Variants in LRFN5 observed in about 807,000 individuals in gnomAD.
The protein encoded by LRFN5 is leucine rich repeat and fibronectin type III domain containing 5, also known as leucine-rich repeat and fibronectin type-III domain-containing protein 5.
In LRFN5, 24 loss-of-function variants were observed where a neutral mutation model predicts 45.6. That is an observed-to-expected ratio of 0.53 (90% CI 0.38 to 0.74). The LOEUF is 0.74. Among genes scored for constraint, LRFN5 ranks in the 30% least tolerant of loss-of-function variants. The pLI, the probability that LRFN5 is intolerant of heterozygous loss-of-function variation, is 0.00. For synonymous variants in LRFN5, 340 were observed against 313.8 expected (o/e 1.08, Z -0.88); for missense variants, 776 against 861.5 (o/e 0.90, Z 1.24).
intron 1 of LRFN5, among the ~76,000 whole-genome samples, chr14:41,704,426 C>CTGTGTGTGTG (rs1566628792): frequency 1.1e-4 from 6 of 57,130 alleles, no homozygotes; most frequent in East Asian, 2.6e-3. Flanking sequence ...CTCTCTCTCT[C>CTGTGTGTGTG]TCTCTCTCTC....
chr14:41,742,704 G>A (rs59496647), intron 1 of LRFN5: 25,377 of 153,408 alleles, frequency 0.17, 2,207 homozygotes, highest in Admixed American at 0.19. Context: ...GAAGAGCCAG[G>A]TGTGTGTAGC....
At chr14:41,674,483 G>C (rs1467222925) in intron 1 of LRFN5, among the ~76,000 whole-genome samples, 1 of 144,988 alleles carries the variant, frequency 6.9e-6, no homozygotes, top group Non-Finnish European at 1.5e-5. Flanking sequence ...CTCCCGGACG[G>C]GGTGGCTGGC....
chr14:41,755,371 A>T, intron 1 of LRFN5, among the ~76,000 whole-genome samples: 1 of 152,196 alleles, frequency 6.6e-6, no homozygotes, highest in East Asian at 1.9e-4. Flanking sequence ...GGGGTGTTAA[A>T]GTCTCCCATT....
intron 2 of LRFN5, among the ~76,000 whole-genome samples, chr14:41,789,149 T>C (rs1038089079): frequency 6.6e-6 from 1 of 152,054 alleles, no homozygotes; most frequent in Admixed American, 6.6e-5. Flanking sequence ...ATTAATTAAA[T>C]TTATTTTAAA....
At chr14:41,698,311 C>G (rs1024240816) in intron 1 of LRFN5, among the ~76,000 whole-genome samples, 1 of 152,050 alleles carries the variant, frequency 6.6e-6, no homozygotes, top group Non-Finnish European at 1.5e-5. Flanking sequence ...TTCACTTTCT[C>G]TAGGAGCCTG....
intron 2 of LRFN5, among the ~76,000 whole-genome samples, chr14:41,829,788 G>A (rs911479461): frequency 1.3e-5 from 2 of 150,086 alleles, no homozygotes; most frequent in Non-Finnish European, 3.0e-5. Context: ...CCTTTTTTTA[G>A]TAATACTTTT....
intron 2 of LRFN5, among the ~76,000 whole-genome samples, chr14:41,858,500 GT>G (rs5808160): frequency 0.14 from 20,687 of 150,022 alleles, 1,469 homozygotes; most frequent in East Asian, 0.21. Flanking sequence ...GCTCTAGTAA[GT>G]TTTTTTTTTC....
intron 1 of LRFN5, among the ~76,000 whole-genome samples, chr14:41,716,622 T>C (rs1883505723): frequency 6.6e-6 from 1 of 152,168 alleles, no homozygotes; most frequent in Non-Finnish European, 1.5e-5. Context: ...CAGCCTGGAC[T>C]TTACTGTCCA....
In LRFN5 at chr14:41,729,813, T is replaced by A. The variant is rs181927433; in HGVS notation, c.-196-37041T>A. On this transcript the variant is annotated intron_variant, in intron 1 of 5. Transcript: ENST00000298119. ...TCTGTACCTATAATATTCATTTTTT[T>A]AAAAAAATACTCAAATATTTAGCAA... is the stretch of plus-strand genomic sequence containing the variant. Among the ~76,000 whole-genome samples, 1,047 of 152,082 alleles carry A rather than the reference T, an allele frequency of 6.9e-3. 8 individuals are homozygous for A. The highest frequency in any genetic ancestry group is 0.011 in the Admixed American group (161 of 15,250).
chr14:41,786,190 G>A (rs976786593), intron 2 of LRFN5, among the ~76,000 whole-genome samples: 2 of 152,064 alleles, frequency 1.3e-5, no homozygotes, highest in Non-Finnish European at 2.9e-5. Context: ...ATTTTCAAGA[G>A]ACAGACAATG....
At chr14:41,659,331 T>A (rs1310458090) in intron 1 of LRFN5, among the ~76,000 whole-genome samples, 1 of 152,076 alleles carries the variant, frequency 6.6e-6, no homozygotes, top group East Asian at 1.9e-4. Context: ...GCTACTTTGC[T>A]TAGAGTGATG....
Position 41,891,300 on chromosome 14 carries a change from G to C in LRFN5, c.1436G>C (p.Gly479Ala). ...TTTCTGGTCAATAATCTGGCTGCTG[G>C]AACTATGTATGACTTGTGTGTCTTG... Reference protein sequence around the residue: ...KTFLVNNLAAGTMYDLCVLAI... With the variant: ...KTFLVNNLAAATMYDLCVLAI... Residue 479 changes from glycine (G) to alanine (A), a missense_variant, in exon 4 of 6, where the codon GGA becomes GCA. Physicochemically the swap from Gly to Ala is moderately conservative, Grantham distance 60. Transcript: ENST00000298119. The C allele has an allele frequency of 6.2e-7, 1 of 1,614,004 alleles. No individual in the cohort carries two copies. The highest frequency in any genetic ancestry group is 8.5e-7 in the Non-Finnish European group (1 of 1,180,002).
At chr14:41,784,866 T>G (rs775285612) in intron 2 of LRFN5, among the ~76,000 whole-genome samples, 10 of 152,128 alleles carry the variant, frequency 6.6e-5, no homozygotes, top group Non-Finnish European at 1.2e-4. Context: ...TGATCTCAGG[T>G]GATCTGTCAG....
chr14:41,885,740 G>A (rs541532520), intron 2 of LRFN5, among the ~76,000 whole-genome samples: 1 of 152,114 alleles, frequency 6.6e-6, no homozygotes, highest in East Asian at 1.9e-4. Context: ...AGATTGGCCG[G>A]GCACAGTGGC....
At chr14:41,658,555 T>G (rs919133637) in intron 1 of LRFN5, among the ~76,000 whole-genome samples, 2 of 151,938 alleles carry the variant, frequency 1.3e-5, no homozygotes, top group Admixed American at 6.6e-5. Context: ...TATATCAAAT[T>G]TTCTCATATG....
At chr14:41,894,561 T>C (rs1342717383) in intron 4 of LRFN5, 26 of 966,508 alleles carry the variant, frequency 2.7e-5, no homozygotes, top group Non-Finnish European at 3.2e-5. Flanking sequence ...GACTGGCTTA[T>C]CAAGAAGGTC....
chr14:41,816,582 C>G (rs1887926730), intron 2 of LRFN5, among the ~76,000 whole-genome samples: 1 of 151,966 alleles, frequency 6.6e-6, no homozygotes, highest in Non-Finnish European at 1.5e-5. Flanking sequence ...TCTCTGTCAA[C>G]ACTATACATA....
intron 2 of LRFN5, among the ~76,000 whole-genome samples, chr14:41,883,648 C>T (rs750608215): frequency 2.6e-5 from 4 of 152,164 alleles, no homozygotes; most frequent in Admixed American, 6.5e-5. Flanking sequence ...ACTTTATTTA[C>T]GATGAGAAGT....
intron 2 of LRFN5, among the ~76,000 whole-genome samples, chr14:41,854,802 T>C (rs1889395386): frequency 6.6e-6 from 1 of 152,164 alleles, no homozygotes; most frequent in South Asian, 2.1e-4. Context: ...CAAAGGAGAT[T>C]GATTTGTGGA....
Sources: allele counts gnomAD v4.1 joint callset (sites outside exome capture counted in the v4.1 genomes callset), GRCh38; gene constraint gnomAD v4.1.1; transcripts MANE v1.5; gene names NCBI Gene and HGNC (gene_info 2026-07-23, HGNC 2026-07-21).